Variants in ADARB2 observed in about 807,000 individuals in gnomAD.
ADARB2 encodes the protein adenosine deaminase RNA specific B2 (inactive), also known as inactive double-stranded RNA-specific editase B2.
ADARB2 carries 25 observed loss-of-function variants against 62.2 expected under a neutral mutation model. That is an observed-to-expected ratio of 0.40 (90% CI 0.29 to 0.56). The LOEUF (loss-of-function observed/expected upper bound fraction) is 0.56. ADARB2 is among the 20% of genes least tolerant of loss of function. The pLI, the probability that ADARB2 is intolerant of heterozygous loss-of-function variation, is 0.43. For synonymous variants in ADARB2, 572 were observed against 500.8 expected (o/e 1.14, Z -1.90); for missense variants, 1,071 against 1,077.4 (o/e 0.99, Z 0.08).
At chr10:1,199,217 C>CCG (rs946667765) in intron 8 of ADARB2, among the ~76,000 whole-genome samples, 21 of 152,014 alleles carry the variant, frequency 1.4e-4, no homozygotes, top group Non-Finnish European at 2.8e-4. Context: ...GAAACCCACC[C>CCG]CCCCGCTTCC....
intron 3 of ADARB2, among the ~76,000 whole-genome samples, chr10:1,341,012 C>T (rs910294002): frequency 6.6e-6 from 1 of 151,382 alleles, no homozygotes; most frequent in Non-Finnish European, 1.5e-5. Flanking sequence ...GAACCCTGTG[C>T]CCCACATCGG....
chr10:1,527,901 A>G (rs1464125444), intron 1 of ADARB2, among the ~76,000 whole-genome samples: 1 of 152,236 alleles, frequency 6.6e-6, no homozygotes, highest in African/African-American at 2.4e-5. Flanking sequence ...TAAATTTATC[A>G]TTCTGGATGC....
chr10:1,437,142 T>C (rs1227737856), intron 1 of ADARB2, among the ~76,000 whole-genome samples: 1 of 152,192 alleles, frequency 6.6e-6, no homozygotes, highest in Non-Finnish European at 1.5e-5. Context: ...AAATAAATTT[T>C]AGAAATTACT....
intron 6 of ADARB2, among the ~76,000 whole-genome samples, chr10:1,230,433 C>G (rs1589158899): frequency 6.6e-6 from 1 of 152,178 alleles, no homozygotes. Flanking sequence ...TGGAGGAGCC[C>G]CTCACAGCAA....
At chr10:1,531,701 G>T (rs1026759637) in intron 1 of ADARB2, among the ~76,000 whole-genome samples, 2 of 152,192 alleles carry the variant, frequency 1.3e-5, no homozygotes, top group Admixed American at 6.5e-5. Flanking sequence ...GCTGGATGTG[G>T]TGTCAAATGC....
At chr10:1,724,063 C>A (rs999542013) in intron 1 of ADARB2, among the ~76,000 whole-genome samples, 2 of 152,178 alleles carry the variant, frequency 1.3e-5, no homozygotes, top group African/African-American at 4.8e-5. Context: ...AAAATTCATG[C>A]ATTTAAGTCC....
intron 1 of ADARB2, chr10:1,556,915 C>T (rs374901729): frequency 1.1e-4 from 52 of 465,728 alleles, no homozygotes; most frequent in African/African-American, 9.2e-4. Flanking sequence ...ATTCCTATCA[C>T]TATTTTTGGT....
At position 1,196,206 on chromosome 10, in the gene ADARB2, CTTTTT is replaced by C. The variant is rs10665720; in HGVS notation, c.1864+3755_1864+3759del. 5.8e-5 allele frequency among the ~76,000 whole-genome samples: 7 copies of C among 120,928 alleles called. No individual in the cohort carries two copies. In the South Asian group the frequency reaches 1.1e-3, roughly 18 times the overall value. 79.3% of individuals were successfully genotyped at this position (120,928 alleles called of 152,430 possible). ...GGTCACTTTTTAATCCTTCTTTTGCCTTTTTTTTTTTTTTTTTTTGACAAAGCACT... is the reference window on the plus strand; with the variant it reads ...GGTCACTTTTTAATCCTTCTTTTGCCTTTTTTTTTTTTTTGACAAAGCACT... On this transcript the variant is annotated intron_variant, in intron 8 of 9. Coordinates refer to ENST00000381312, the MANE Select transcript of ADARB2 (RefSeq NM_018702.4).
chr10:1,380,971 GACTTT>G (rs1832477723), intron 1 of ADARB2, among the ~76,000 whole-genome samples: 1 of 152,296 alleles, frequency 6.6e-6, no homozygotes, highest in African/African-American at 2.4e-5. Flanking sequence ...AACTATTTCA[GACTTT>G]ACTTTAGCAA....
At chr10:1,401,165 C>CGAA (rs1832658399) in intron 1 of ADARB2, among the ~76,000 whole-genome samples, 1 of 152,210 alleles carries the variant, frequency 6.6e-6, no homozygotes, top group African/African-American at 2.4e-5. Flanking sequence ...TCACCCTCCC[C>CGAA]ACCTCCCGGA....
chr10:1,304,341 T>C (rs1332000869), intron 3 of ADARB2, among the ~76,000 whole-genome samples: 1 of 149,840 alleles, frequency 6.7e-6, no homozygotes, highest in Non-Finnish European at 1.5e-5. Context: ...TAAATATATA[T>C]GCACCCAATA....
chr10:1,458,996 A>G (rs189957478), intron 1 of ADARB2, among the ~76,000 whole-genome samples: 38 of 152,366 alleles, frequency 2.5e-4, no homozygotes, highest in Admixed American at 1.6e-3. Context: ...ATGAGGTACC[A>G]TCTCACACAA....
rs1834057777 is a variant in ADARB2 at position 1,647,438 on chromosome 10, C to T, written c.100+89613G>A. ...ATATATGTGTATACATATGTGTATA[C>T]CTGTGTATATACATTTAAATATGTG... On this transcript the variant is annotated intron_variant, in intron 1 of 9. Transcript: ENST00000381312. Among the ~76,000 whole-genome samples the T allele has an allele frequency of 2.0e-5, 3 of 151,426 alleles. No homozygotes were observed. The South Asian group carries it at 6.2e-4, about 31-fold the overall frequency.
At chr10:1,544,664 C>T (rs1055838719) in intron 1 of ADARB2, among the ~76,000 whole-genome samples, 8 of 151,794 alleles carry the variant, frequency 5.3e-5, no homozygotes, top group Admixed American at 2.0e-4. Context: ...GTCTAGGAGG[C>T]GGGTATAGTC....
chr10:1,317,613 A>G (rs754722654), intron 3 of ADARB2, among the ~76,000 whole-genome samples: 6 of 152,130 alleles, frequency 3.9e-5, no homozygotes, highest in Non-Finnish European at 8.8e-5. Flanking sequence ...GGAGTTGGCA[A>G]TGTTTTTGGG....
intron 6 of ADARB2, 43 bp from the exon 7 acceptor site, chr10:1,217,162 G>A (rs373830177): frequency 6.0e-6 from 9 of 1,505,226 alleles, no homozygotes; most frequent in African/African-American, 2.8e-5. Flanking sequence ...GAGGGAAGCC[G>A]CCTTGGTTTT....
At chr10:1,514,183 A>ATATATATATATATATATG (rs1205030898) in intron 1 of ADARB2, among the ~76,000 whole-genome samples, 1 of 117,880 alleles carries the variant, frequency 8.5e-6, no homozygotes, top group South Asian at 2.6e-4. Flanking sequence ...CTCAAAATAT[A>ATATATATATATATATATG]TATATATATA....
intron 3 of ADARB2, among the ~76,000 whole-genome samples, chr10:1,349,155 G>T (rs1432894512): frequency 6.6e-6 from 1 of 152,124 alleles, no homozygotes. Flanking sequence ...CTTAACTGAT[G>T]ATGACATTAC....
intron 1 of ADARB2, among the ~76,000 whole-genome samples, chr10:1,629,502 T>G (rs1588330086): frequency 1.0e-5 from 1 of 99,178 alleles, no homozygotes; most frequent in African/African-American, 4.2e-5. Context: ...ACCTCCCCAC[T>G]GCGCCCAACA....
Sources: allele counts gnomAD v4.1 joint callset (sites outside exome capture counted in the v4.1 genomes callset), GRCh38; gene constraint gnomAD v4.1.1; transcripts MANE v1.5; gene names NCBI Gene and HGNC (gene_info 2026-07-23, HGNC 2026-07-21).